ARHGAP32: variants seen among roughly 807,000 people sequenced by gnomAD.
ARHGAP32 encodes rho GTPase-activating protein 32.
In ARHGAP32, 51 loss-of-function variants were observed where a neutral mutation model predicts 186.5. That is an observed-to-expected ratio of 0.27 (90% CI 0.22 to 0.35). ARHGAP32 has a LOEUF of 0.35. Among genes scored for constraint, ARHGAP32 ranks in the 10% least tolerant of loss-of-function variants. The pLI is 1.00. For missense variants in ARHGAP32, 2,186 were observed against 2,623.5 expected (o/e 0.83, Z 3.64); for synonymous variants, 950 against 964.3 (o/e 0.99, Z 0.27).
chr11:129,017,876 C>A (rs1372789582), intron 11 of ARHGAP32, among the ~76,000 whole-genome samples: 1 of 152,080 alleles, frequency 6.6e-6, no homozygotes, highest in African/African-American at 2.4e-5. Flanking sequence ...TCCCCAATTG[C>A]TAAGATATAT....
intron 10 of ARHGAP32, among the ~76,000 whole-genome samples, chr11:129,043,468 C>A (rs1939686550): frequency 1.4e-5 from 2 of 144,862 alleles, no homozygotes; most frequent in Admixed American, 1.4e-4. Flanking sequence ...CTCACTGTAA[C>A]CTCCGCCTCC....
chr11:129,074,483 C>G (rs1240451171), intron 6 of ARHGAP32, among the ~76,000 whole-genome samples: 1 of 151,824 alleles, frequency 6.6e-6, no homozygotes, highest in African/African-American at 2.4e-5. Context: ...AGTGCAACCA[C>G]TAAAAAAAAA....
At chr11:128,979,037 A>G (rs1945633264) in intron 18 of ARHGAP32, 122 bp from the exon 19 acceptor site, 2 of 830,704 alleles carry the variant, frequency 2.4e-6, no homozygotes, top group African/African-American at 3.5e-5. Flanking sequence ...TGAAACAGTA[A>G]GCAAACATCC....
intron 5 of ARHGAP32, among the ~76,000 whole-genome samples, chr11:129,107,196 C>A (rs912943937): frequency 6.6e-6 from 1 of 152,272 alleles, no homozygotes; most frequent in East Asian, 1.9e-4. Flanking sequence ...AACTAGCAAT[C>A]CTATATCCAG....
At chr11:129,082,199 A>G (rs905714395) in intron 6 of ARHGAP32, among the ~76,000 whole-genome samples, 4 of 152,162 alleles carry the variant, frequency 2.6e-5, no homozygotes, top group African/African-American at 9.7e-5. Flanking sequence ...CTAGAGATTC[A>G]ATGCAATTCC....
chr11:129,089,016 A>G lies in ARHGAP32; in HGVS notation c.531+4605T>C, dbSNP rs954175379. On this transcript the variant is annotated intron_variant, in intron 6 of 22. Transcript: ENST00000682385. Reference sequence around the variant, plus strand: ...TTGTCAAAAAAAAAAAAAAAAAAAAAAAGAGCAAGCATTACTACCAATTAC... The same window carrying G: ...TTGTCAAAAAAAAAAAAAAAAAAAAGAAGAGCAAGCATTACTACCAATTAC... 6.9e-5 allele frequency among the ~76,000 whole-genome samples: 10 copies of G among 144,110 alleles called. No homozygotes were observed. The East Asian group carries it at 1.2e-3, about 18-fold the overall frequency. The allele number at this position is 144,110 out of a possible 152,430, so 94.5% of individuals were successfully genotyped here.
At chr11:129,223,810 T>C (rs931954517) in intron 1 of ARHGAP32, among the ~76,000 whole-genome samples, 4 of 152,118 alleles carry the variant, frequency 2.6e-5, no homozygotes, top group Non-Finnish European at 5.9e-5. Flanking sequence ...ATTAAGCAAT[T>C]AAGATGAATA....
At chr11:129,172,281 T>C (rs1943782689) in intron 1 of ARHGAP32, among the ~76,000 whole-genome samples, 1 of 152,238 alleles carries the variant, frequency 6.6e-6, no homozygotes, top group Non-Finnish European at 1.5e-5. Flanking sequence ...CTTTTCTCCA[T>C]TCAATATGAT....
Position 128,974,566 on chromosome 11 carries a change from A to T in ARHGAP32, c.2631T>A (p.Ser877Arg). ...EPVSPLQEKLSPFFTLDLSPT... is the reference protein window; with the variant it reads ...EPVSPLQEKLRPFFTLDLSPT... ...GGCTCAAGTCCAGGGTAAAGAATGG[A>T]CTCAGTTTCTCCTGAAGAGGAGAGA... The change falls in exon 21 of 23, where the codon AGT becomes AGA. Residue 877 changes from serine to arginine, a missense_variant. Ser to Arg is a moderately radical substitution (Grantham distance 110). Coordinates refer to ENST00000682385, the MANE Select transcript of ARHGAP32 (RefSeq NM_001378024.1). 1 of 1,614,098 alleles carries T rather than the reference A, an allele frequency of 6.2e-7. No individual in the cohort carries two copies. Among genetic ancestry groups the T allele is most frequent in the Non-Finnish European group, 8.5e-7 (1 of 1,180,002 alleles).
chr11:129,140,367 C>T (rs976024886), intron 2 of ARHGAP32, among the ~76,000 whole-genome samples: 1 of 152,128 alleles, frequency 6.6e-6, no homozygotes, highest in South Asian at 2.1e-4. Context: ...TTAAGCCTGC[C>T]CAGACTTCTA....
chr11:129,018,298 T>A (rs1938447089), intron 11 of ARHGAP32, among the ~76,000 whole-genome samples: 1 of 152,122 alleles, frequency 6.6e-6, no homozygotes, highest in South Asian at 2.1e-4. Flanking sequence ...GATGTGAACT[T>A]CTAGTAAAGG....
chr11:129,068,986 C>T (rs532606036), intron 6 of ARHGAP32, among the ~76,000 whole-genome samples: 5 of 152,066 alleles, frequency 3.3e-5, no homozygotes, highest in Admixed American at 6.6e-5. Flanking sequence ...AATAAGTATC[C>T]AATAAAATAA....
chr11:129,163,313 C>T (rs981355814), intron 2 of ARHGAP32, among the ~76,000 whole-genome samples: 1 of 151,988 alleles, frequency 6.6e-6, no homozygotes, highest in East Asian at 1.9e-4. Flanking sequence ...GTAAAATGTC[C>T]TCTCCCACAA....
At chr11:128,977,850 A>ATTT (rs201121319) in intron 19 of ARHGAP32, among the ~76,000 whole-genome samples, 1,350 of 90,992 alleles carry the variant, frequency 0.015, 9 homozygotes, top group Middle Eastern at 0.033. Context: ...CTTATTTGCA[A>ATTT]TTTATTATTA....
chr11:129,052,249 C>A (rs1442568760), intron 10 of ARHGAP32, among the ~76,000 whole-genome samples: 1 of 152,160 alleles, frequency 6.6e-6, no homozygotes, highest in African/African-American at 2.4e-5. Context: ...ACTGTCTATT[C>A]TTTCCCACTG....
intron 2 of ARHGAP32, among the ~76,000 whole-genome samples, chr11:129,144,253 GC>G (rs1393923815): frequency 1.3e-5 from 2 of 152,050 alleles, no homozygotes; most frequent in Non-Finnish European, 2.9e-5. Context: ...AAATAATTAG[GC>G]TTTTACATGT....
chr11:129,123,571 A>G lies in ARHGAP32; in HGVS notation c.360-41T>C, dbSNP rs1942585438. 2 of 1,550,470 alleles carry G rather than the reference A, an allele frequency of 1.3e-6. No individual in the cohort carries two copies. The highest frequency in any genetic ancestry group is 1.8e-6 in the Non-Finnish European group (2 of 1,126,476). On this transcript the variant is annotated intron_variant, in intron 4 of 22. Coordinates refer to ENST00000682385, the MANE Select transcript of ARHGAP32 (RefSeq NM_001378024.1). The surrounding 1 kb of genome is among the most constrained non-coding windows in gnomAD (Gnocchi z 4.6). ...TAAATAAGAAACGAGATAGTGAAAC[A>G]GTAAAAATTACTAAGTTTAAGGGAA...
intron 1 of ARHGAP32, among the ~76,000 whole-genome samples, chr11:129,278,490 G>C (rs1181801420): frequency 6.6e-6 from 1 of 152,178 alleles, no homozygotes; most frequent in African/African-American, 2.4e-5. Flanking sequence ...ACCGTTTCTT[G>C]TGTACTGCTT....
intron 1 of ARHGAP32, among the ~76,000 whole-genome samples, chr11:129,245,625 T>C (rs1322117367): frequency 6.8e-6 from 1 of 146,732 alleles, no homozygotes; most frequent in Admixed American, 6.8e-5. Flanking sequence ...AATAAATAAA[T>C]AAAGATCACA....
Sources: gnomAD v4.1 joint callset for allele counts (sites outside exome capture counted in the v4.1 genomes callset) on GRCh38, gnomAD v4.1.1 for gene constraint, Gnocchi (gnomAD v3.1) non-coding constraint, MANE v1.5 for transcripts, NCBI Gene and HGNC (gene_info 2026-07-23, HGNC 2026-07-21) for gene names.